The following TMPRSS15 variants were observed in gnomAD, a reference collection of about 807,000 sequenced individuals.
TMPRSS15 encodes the protein enteropeptidase.
In TMPRSS15, 128 loss-of-function variants were observed where a neutral mutation model predicts 125.3. The ratio of observed to expected loss-of-function variants is 1.02; its 90% CI spans 0.89 to 1.18. TMPRSS15 has a LOEUF of 1.18. Ranked by LOEUF, TMPRSS15 falls within the 50% of genes most tolerant of loss-of-function variation. TMPRSS15 has a pLI of 0.00. For missense variants in TMPRSS15, 1,283 were observed against 1,212.7 expected (o/e 1.06, Z -0.86); for synonymous variants, 446 against 423.2 (o/e 1.05, Z -0.66).
chr21:18,356,341 T>G (rs2075624556), intron 8 of TMPRSS15, among the ~76,000 whole-genome samples: 1 of 151,772 alleles, frequency 6.6e-6, no homozygotes, highest in Non-Finnish European at 1.5e-5. Context: ...ATGCGGCAAC[T>G]AGAGTACCAT....
chr21:18,294,061 A>G (rs2074870611), intron 21 of TMPRSS15, among the ~76,000 whole-genome samples: 1 of 152,260 alleles, frequency 6.6e-6, no homozygotes, highest in Non-Finnish European at 1.5e-5. Context: ...AGAAGAATTA[A>G]TATTCATATC....
At chr21:18,398,847 C>A (rs920106874) in intron 1 of TMPRSS15, among the ~76,000 whole-genome samples, 1 of 152,030 alleles carries the variant, frequency 6.6e-6, no homozygotes, top group South Asian at 2.1e-4. Context: ...CTACTTCTTT[C>A]ATTCTAATAA....
Position 18,365,195 on chromosome 21 carries a change from C to T in TMPRSS15, c.718G>A (p.Ala240Thr). 6.2e-7 allele frequency: 1 copy of T among 1,614,026 alleles called. No homozygotes were observed. ...TCAGAAGGTTTTGGATAATGAGTAG[C>T]CTGGAAAGACCCAGATGATCCAGTT... ...LLTGSSGSFQATHYPKPSETS... is the reference protein window; with the variant it reads ...LLTGSSGSFQTTHYPKPSETS... The change falls in exon 7 of 25, where the codon GCT (alanine) becomes ACT (threonine). Residue 240 changes from alanine (A) to threonine (T), a missense_variant. Coordinates refer to ENST00000284885, the MANE Select transcript of TMPRSS15 (RefSeq NM_002772.3).
At chr21:18,346,722 A>C (rs2075512948) in intron 10 of TMPRSS15, among the ~76,000 whole-genome samples, 1 of 152,230 alleles carries the variant, frequency 6.6e-6, no homozygotes, top group Non-Finnish European at 1.5e-5. Context: ...CTGAAGACAG[A>C]CCATCATTGT....
intron 1 of TMPRSS15, among the ~76,000 whole-genome samples, chr21:18,479,375 C>T (rs756224358): frequency 6.6e-6 from 1 of 151,924 alleles, no homozygotes; most frequent in Non-Finnish European, 1.5e-5. Flanking sequence ...TCAAGCCAAA[C>T]TTTTCTCTGT....
At chr21:18,300,259 CTCTT>C (rs997205173) in intron 18 of TMPRSS15, among the ~76,000 whole-genome samples, 62 of 148,002 alleles carry the variant, frequency 4.2e-4, no homozygotes, top group African/African-American at 1.3e-3. Flanking sequence ...TCTTCTTTCT[CTCTT>C]TCTTTCTCTC....
chr21:18,343,810 T>C, intron 11 of TMPRSS15, 145 bp downstream of exon 11: 1 of 1,136,946 alleles, frequency 8.8e-7, no homozygotes, highest in Non-Finnish European at 1.3e-6. Flanking sequence ...TCTATCAATG[T>C]TTTATTGCTT....
chr21:18,291,201 A>C (rs1173134448), intron 21 of TMPRSS15, among the ~76,000 whole-genome samples: 1 of 152,214 alleles, frequency 6.6e-6, no homozygotes, highest in Non-Finnish European at 1.5e-5. Flanking sequence ...GGAAACTTAG[A>C]GATACTAAGT....
At chr21:18,423,658 C>T (rs9976650) in intron 1 of TMPRSS15, among the ~76,000 whole-genome samples, 14,543 of 151,598 alleles carry the variant, frequency 0.096, 1,555 homozygotes, top group African/African-American at 0.26. Flanking sequence ...CCTCGTGATC[C>T]GCCCACCTCA....
At chr21:18,428,789 T>C (rs2076209859) in intron 1 of TMPRSS15, among the ~76,000 whole-genome samples, 1 of 152,190 alleles carries the variant, frequency 6.6e-6, no homozygotes, top group African/African-American at 2.4e-5. Context: ...GGAGAACCTC[T>C]GCTAGGGCAG....
At chr21:18,420,095 C>T (rs2076189026) in intron 1 of TMPRSS15, among the ~76,000 whole-genome samples, 1 of 152,146 alleles carries the variant, frequency 6.6e-6, no homozygotes, top group African/African-American at 2.4e-5. Context: ...AAAAGGAGGG[C>T]TGTAATTTCC....
chr21:18,436,204 G>C (rs1012785328), intron 1 of TMPRSS15, among the ~76,000 whole-genome samples: 1 of 150,716 alleles, frequency 6.6e-6, no homozygotes, highest in Non-Finnish European at 1.5e-5. Flanking sequence ...TGCTTTTCTA[G>C]TTCTTTTAAT....
chr21:18,437,976 G>A (rs2076231804), intron 1 of TMPRSS15, among the ~76,000 whole-genome samples: 1 of 151,460 alleles, frequency 6.6e-6, no homozygotes, highest in Admixed American at 6.6e-5. Context: ...CCATTACTGT[G>A]TATATACCCA....
intron 23 of TMPRSS15, among the ~76,000 whole-genome samples, chr21:18,277,778 A>G (rs1317923249): frequency 1.3e-5 from 2 of 152,186 alleles, no homozygotes; most frequent in Non-Finnish European, 2.9e-5. Context: ...CATCATGGCT[A>G]TAATTTGTTG....
chr21:18,460,263 G>A (rs984986328), intron 1 of TMPRSS15, among the ~76,000 whole-genome samples: 4 of 152,136 alleles, frequency 2.6e-5, no homozygotes, highest in Non-Finnish European at 5.9e-5. Flanking sequence ...ATTAAATGTA[G>A]TCTTAGCAGT....
At chr21:18,353,077 TAA>T (rs771025779) in intron 9 of TMPRSS15, 25 bp from the exon 10 acceptor site, 1 of 1,600,758 alleles carries the variant, frequency 6.2e-7, no homozygotes, top group Non-Finnish European at 8.5e-7. Context: ...AAAGAAGGAA[TAA>T]AAAAAATTTA....
intron 10 of TMPRSS15, among the ~76,000 whole-genome samples, chr21:18,348,243 T>C (rs930960172): frequency 3.9e-5 from 6 of 152,136 alleles, no homozygotes; most frequent in Non-Finnish European, 7.3e-5. Context: ...CTTGTAATGA[T>C]CTCTTTTTTG....
intron 16 of TMPRSS15, among the ~76,000 whole-genome samples, chr21:18,317,932 A>G (rs923055206): frequency 1.4e-5 from 2 of 142,186 alleles, no homozygotes; most frequent in Non-Finnish European, 3.1e-5. Context: ...TCTATTCCAT[A>G]ACAAGGCATA....
At chr21:18,397,243 T>C (rs1446660393) in intron 3 of TMPRSS15, among the ~76,000 whole-genome samples, 1 of 152,166 alleles carries the variant, frequency 6.6e-6, no homozygotes, top group Non-Finnish European at 1.5e-5. Context: ...TGTCAAACTC[T>C]CCTTCATGAT....
Sources: allele counts gnomAD v4.1 joint callset (sites outside exome capture counted in the v4.1 genomes callset), GRCh38; gene constraint gnomAD v4.1.1; transcripts MANE v1.5; gene names NCBI Gene and HGNC (gene_info 2026-07-23, HGNC 2026-07-21).